TRIM62: variants seen among roughly 807,000 people sequenced by gnomAD.
The protein encoded by TRIM62 is tripartite motif containing 62, also known as E3 ubiquitin-protein ligase TRIM62.
A neutral mutation model predicts 44.2 loss-of-function variants in TRIM62; 39 were observed. That is an observed-to-expected ratio of 0.88 (90% CI 0.68 to 1.15). The LOEUF is 1.15. TRIM62 is among the 50% of genes most tolerant of loss of function. TRIM62 has a pLI of 0.00. For synonymous variants in TRIM62, 278 were observed against 292.3 expected, an observed-to-expected ratio of 0.95 and a Z score of 0.50; for missense variants, 544 against 665.5, an observed-to-expected ratio of 0.82 and a Z score of 2.01.
chr1:33,165,422 C>T lies in TRIM62; in HGVS notation c.504+49G>A, dbSNP rs756919674. ...CCCAGCTGGCCCCGCCCCTCGAAGC[C>T]CTGCCCTCATCTCTGCCGGCCCCAC... On this transcript the variant is annotated intron_variant, in intron 2 of 4. Coordinates refer to ENST00000291416, the MANE Select transcript of TRIM62 (RefSeq NM_018207.3). This position sits in a 1 kb window ranked among gnomAD's most constrained non-coding sequence, Gnocchi z 4.0. 1 of 1,512,814 alleles carries T rather than the reference C, an allele frequency of 6.6e-7. No homozygotes were observed. Among genetic ancestry groups the T allele is most frequent in the South Asian group, 1.2e-5 (1 of 81,574 alleles). The allele number at this position is 1,512,814 out of a possible 1,614,324, so 93.7% of individuals were successfully genotyped here.
chr1:33,153,027 G>C (rs1293880484), intron 4 of TRIM62, among the ~76,000 whole-genome samples: 1 of 151,744 alleles, frequency 6.6e-6, no homozygotes, highest in Non-Finnish European at 1.5e-5. Context: ...TGTTAGGCTG[G>C]GGGTGGGATA....
intron 1 of TRIM62, among the ~76,000 whole-genome samples, chr1:33,171,877 G>C (rs1645377359): frequency 6.6e-6 from 1 of 152,146 alleles, no homozygotes; most frequent in African/African-American, 2.4e-5. Flanking sequence ...TGCCTCCCAG[G>C]TTCAAGTGAT....
chr1:33,147,288 G>T lies in TRIM62; in HGVS notation c.1317C>A (p.Tyr439Ter), dbSNP rs1473120271. 6.2e-7 allele frequency: 1 copy of T among 1,614,098 alleles called. No homozygotes were observed. Among genetic ancestry groups the T allele is most frequent in the Non-Finnish European group, 8.5e-7 (1 of 1,180,052 alleles). The change falls in exon 5 of 5, where the codon TAC becomes TAA. Residue 439 changes from tyrosine (Y) to a stop codon, truncating the protein, a stop_gained. Coordinates refer to ENST00000291416, the MANE Select transcript of TRIM62 (RefSeq NM_018207.3). LOFTEE classifies it high-confidence loss of function. The surrounding 1 kb of genome is among the most constrained non-coding windows in gnomAD (Gnocchi z 8.1). The part of the protein sequence containing the change: ...FYNADDMSWL[Y>*]TFREKFPGKL... Reference sequence around the variant, plus strand: ...TGCCAGGGAACTTCTCGCGGAAGGTGTAGAGCCAGGACATGTCATCAGCAT... The same window carrying T: ...TGCCAGGGAACTTCTCGCGGAAGGTTTAGAGCCAGGACATGTCATCAGCAT...
At chr1:33,149,047 A>G (rs1044076394) in intron 4 of TRIM62, among the ~76,000 whole-genome samples, 1 of 152,060 alleles carries the variant, frequency 6.6e-6, no homozygotes, top group African/African-American at 2.4e-5. Flanking sequence ...GCTTGTTGCA[A>G]CCACCCCCAG....
chr1:33,146,796 C>T lies in TRIM62; in HGVS notation c.*381G>A, dbSNP rs1162404894. ...ACATAAGAGGGTGCTGTGTGTCTTT[C>T]GGGCTGCCAACTACTGGCCATGCTC... On this transcript the variant is annotated 3_prime_UTR_variant, in exon 5 of 5. Coordinates refer to ENST00000291416, the MANE Select transcript of TRIM62 (RefSeq NM_018207.3). 1.4e-5 allele frequency: 4 copies of T among 277,400 alleles called. No individual in the cohort carries two copies. Among genetic ancestry groups the T allele is most frequent in the African/African-American group, 2.2e-5 (1 of 45,950 alleles). 17.2% of individuals were successfully genotyped at this position (277,400 alleles called of 1,614,324 possible).
chr1:33,181,460 C>T lies in TRIM62; in HGVS notation c.-28G>A, dbSNP rs761568612. 16 of 1,563,450 alleles carry T rather than the reference C, an allele frequency of 1.0e-5. No individual in the cohort carries two copies. The highest frequency in any genetic ancestry group is 1.3e-5 in the Non-Finnish European group (15 of 1,163,516). ...CGCCAGGGGCAGCAGAGAGGGGGGC[C>T]CGAGGGGCAGGGGGGCGGCTGAGAG... On this transcript the variant is annotated 5_prime_UTR_variant, in exon 1 of 5. Transcript: ENST00000291416. This position sits in a 1 kb window ranked among gnomAD's most constrained non-coding sequence, Gnocchi z 6.5.
At chr1:33,164,719 A>T (rs1234259794) in intron 2 of TRIM62, 2 of 152,242 alleles carry the variant, frequency 1.3e-5, no homozygotes. Context: ...CCACCTCTGG[A>T]GGGCTTCGAG....
In TRIM62 at chr1:33,145,630, C is replaced by T. The variant is rs1645012703; in HGVS notation, c.*1547G>A. On this transcript the variant is annotated 3_prime_UTR_variant, in exon 5 of 5. Transcript: ENST00000291416. ...TTGGGATGGTGTGTTGTGTCAGAGA[C>T]CCCAAGTGCAGAATCTAGGCCCCAG... The T allele has an allele frequency of 3.7e-6, 1 of 268,160 alleles. No homozygotes were observed. The highest frequency in any genetic ancestry group is 7.4e-6 in the Non-Finnish European group (1 of 134,880). 16.6% of individuals were successfully genotyped at this position (268,160 alleles called of 1,614,324 possible). A position where few individuals can be genotyped will look rare whatever the true frequency, so the allele number is the denominator to read the frequency against.
At chr1:33,170,169 A>T (rs1645361886) in intron 1 of TRIM62, among the ~76,000 whole-genome samples, 1 of 152,142 alleles carries the variant, frequency 6.6e-6, no homozygotes, top group Admixed American at 6.5e-5. Flanking sequence ...GTCTCTACTA[A>T]AAATACAAAA....
Position 33,181,428 on chromosome 1 carries a change from G to A in TRIM62, c.5C>T (p.Ala2Val). 6.3e-7 allele frequency: 1 copy of A among 1,593,982 alleles called. No homozygotes were observed. The change falls in exon 1 of 5, where the codon GCG becomes GTG. Residue 2 changes from alanine (A) to valine (V), a missense_variant. Ala to Val is a moderately conservative substitution (Grantham distance 64). Coordinates refer to ENST00000291416, the MANE Select transcript of TRIM62 (RefSeq NM_018207.3). This position sits in a 1 kb window ranked among gnomAD's most constrained non-coding sequence, Gnocchi z 6.5. MACSLKDELLCS... is the reference protein window; with the variant it reads MVCSLKDELLCS... ...CAGCAGCTCGTCCTTGAGGCTGCAC[G>A]CCATGGCGCCAGGGGCAGCAGAGAG...
intron 4 of TRIM62, among the ~76,000 whole-genome samples, chr1:33,150,942 T>C (rs1192866529): frequency 6.6e-6 from 1 of 152,032 alleles, no homozygotes; most frequent in Admixed American, 6.5e-5. Context: ...CTAGGCATGA[T>C]ATCTAAGGCG....
chr1:33,162,513 C>T (rs940298945), intron 2 of TRIM62, among the ~76,000 whole-genome samples: 5 of 152,208 alleles, frequency 3.3e-5, no homozygotes, highest in Admixed American at 1.3e-4. Context: ...ACATCTCCCT[C>T]GGCTCTGCAC....
At position 33,167,110 on chromosome 1, in the gene TRIM62, T is replaced by C. The variant is rs910547268; in HGVS notation, c.409-1544A>G. 6.6e-6 allele frequency among the ~76,000 whole-genome samples: 1 copy of C among 152,116 alleles called. No individual in the cohort carries two copies. The highest frequency in any genetic ancestry group is 1.5e-5 in the Non-Finnish European group (1 of 68,020). ...TCCCTCTGGCTGGTGGCCTCCACTC[T>C]CAGAGTTTCTCACGGTGACTCCTTT... On this transcript the variant is annotated intron_variant, in intron 1 of 4. Transcript: ENST00000291416. The surrounding 1 kb of genome is among the most constrained non-coding windows in gnomAD (Gnocchi z 4.2).
intron 2 of TRIM62, among the ~76,000 whole-genome samples, chr1:33,160,878 G>C (rs182658006): frequency 8.5e-5 from 13 of 152,322 alleles, no homozygotes; most frequent in Non-Finnish European, 1.0e-4. Flanking sequence ...AGCAAGGACT[G>C]GTGTTTATAG....
rs1245285260 is a variant in TRIM62, at chr1:33,177,066, TGCACACACAC to T, written c.408+3949_408+3958del. Among the ~76,000 whole-genome samples, 1 of 62,902 alleles carries T rather than the reference TGCACACACAC, an allele frequency of 1.6e-5. No homozygotes were observed. Among genetic ancestry groups the T allele is most frequent in the Non-Finnish European group, 3.6e-5 (1 of 27,734 alleles). The allele number at this position is 62,902 out of a possible 152,430, so 41.3% of individuals were successfully genotyped here. A position where few individuals can be genotyped will look rare whatever the true frequency, so the allele number is the denominator to read the frequency against. On this transcript the variant is annotated intron_variant, in intron 1 of 4. Coordinates refer to ENST00000291416, the MANE Select transcript of TRIM62 (RefSeq NM_018207.3). The surrounding 1 kb of genome is among the most constrained non-coding windows in gnomAD (Gnocchi z 4.1). ...ACACACACACGCACACACACACACATGCACACACACACATGCATGCACAAATGCACACACA... is the reference window on the plus strand; with the variant it reads ...ACACACACACGCACACACACACACATACATGCATGCACAAATGCACACACA...
At chr1:33,149,051 C>T (rs1464098505) in intron 4 of TRIM62, among the ~76,000 whole-genome samples, 1 of 152,210 alleles carries the variant, frequency 6.6e-6, no homozygotes, top group African/African-American at 2.4e-5. Flanking sequence ...GTTGCAACCA[C>T]CCCCAGAGGC....
At position 33,158,383 on chromosome 1, in the gene TRIM62, G is replaced by A; in HGVS notation, c.762-15C>T. On this transcript the variant is annotated splice_polypyrimidine_tract_variant and intron_variant, in intron 3 of 4. Transcript: ENST00000291416. ...TTCCCTTGAGCCTGGAAGGAGAGCA[G>A]GAAAGGGGGCTGCACCAGGGACTGG... The A allele has an allele frequency of 6.2e-7, 1 of 1,610,172 alleles. No individual in the cohort carries two copies. Among genetic ancestry groups the A allele is most frequent in the Non-Finnish European group, 8.5e-7 (1 of 1,176,768 alleles).
rs901996516 is a variant in TRIM62, at chr1:33,159,246, C to T, written c.761+442G>A. On this transcript the variant is annotated intron_variant, in intron 3 of 4. Transcript: ENST00000291416. This position sits in a 1 kb window ranked among gnomAD's most constrained non-coding sequence, Gnocchi z 4.2. ...AATATAAAGCCTTTATATAGTAACA[C>T]GTAATGCCAACATTATCATAAATAA... 2.6e-5 allele frequency among the ~76,000 whole-genome samples: 4 copies of T among 151,508 alleles called. No homozygotes were observed. Among genetic ancestry groups the T allele is most frequent in the Admixed American group, 1.3e-4 (2 of 15,202 alleles).
intron 1 of TRIM62, among the ~76,000 whole-genome samples, chr1:33,175,155 C>T (rs940720472): frequency 4.0e-5 from 6 of 151,800 alleles, no homozygotes; most frequent in African/African-American, 1.5e-4. Flanking sequence ...TCTCGTGCCT[C>T]AGCCTCCCGA....
Sources: gnomAD v4.1 joint callset for allele counts (sites outside exome capture counted in the v4.1 genomes callset) on GRCh38, gnomAD v4.1.1 for gene constraint, Gnocchi (gnomAD v3.1) non-coding constraint, MANE v1.5 for transcripts, NCBI Gene and HGNC (gene_info 2026-07-23, HGNC 2026-07-21) for gene names.